Variants in MAP3K1 observed in about 807,000 individuals in gnomAD.
The protein encoded by MAP3K1 is mitogen-activated protein kinase kinase kinase 1, also known as MAP/ERK kinase kinase 1.
Under a neutral mutation model 144.2 loss-of-function variants are expected in MAP3K1, and 36 were observed. The ratio of observed to expected loss-of-function variants is 0.25; its 90% CI spans 0.19 to 0.33. The LOEUF (loss-of-function observed/expected upper bound fraction) is 0.33, where lower values mean the gene tolerates loss of function less well. Ranked by LOEUF, MAP3K1 falls within the 10% of genes least tolerant of loss-of-function variation. MAP3K1 has a pLI of 1.00. For missense variants in MAP3K1, 1,650 were observed against 1,881.9 expected (o/e 0.88, Z 2.28); for synonymous variants, 718 against 688.7 (o/e 1.04, Z -0.67).
chr5:56,876,319 A>T (rs533191726), intron 10 of MAP3K1, among the ~76,000 whole-genome samples: 15 of 152,036 alleles, frequency 9.9e-5, no homozygotes, highest in Admixed American at 9.2e-4. Context: ...GCATTGCCAA[A>T]TGTCTCCAGT....
At chr5:56,827,732 T>C (rs1464647357) in intron 1 of MAP3K1, among the ~76,000 whole-genome samples, 2 of 151,966 alleles carry the variant, frequency 1.3e-5, no homozygotes, top group South Asian at 4.2e-4. Flanking sequence ...GGCTTGGTGG[T>C]GTGTGCCTGT....
Position 56,822,082 on chromosome 5 carries a change from G to A in MAP3K1, c.482+6027G>A, listed in dbSNP as rs777383739. Among the ~76,000 whole-genome samples the A allele has an allele frequency of 6.4e-4, 98 of 152,168 alleles. 1 individual carries two copies. Among genetic ancestry groups the A allele is most frequent in the Admixed American group, 1.6e-3 (25 of 15,294 alleles). ...GTTGCCCAGGCTGGAGTGCAGTGGCGCAATCTTTGCTCACTGCAGCCTCTG... is the reference window on the plus strand; with the variant it reads ...GTTGCCCAGGCTGGAGTGCAGTGGCACAATCTTTGCTCACTGCAGCCTCTG... On this transcript the variant is annotated intron_variant, in intron 1 of 19. Transcript: ENST00000399503.
At chr5:56,828,844 A>G (rs181559502) in intron 1 of MAP3K1, among the ~76,000 whole-genome samples, 139 of 151,840 alleles carry the variant, frequency 9.2e-4, no homozygotes, top group Non-Finnish European at 9.1e-4. Flanking sequence ...TCTTGTGTTT[A>G]TTTATAAAGA....
chr5:56,823,597 TC>T (rs1050247970), intron 1 of MAP3K1, among the ~76,000 whole-genome samples: 4 of 152,230 alleles, frequency 2.6e-5, no homozygotes, highest in African/African-American at 9.6e-5. Context: ...CATGGCATGT[TC>T]AAATTAGTGG....
At position 56,892,589 on chromosome 5, in the gene MAP3K1, A is replaced by G. The variant is rs575760714; in HGVS notation, c.4390-942A>G. Reference sequence around the variant, plus strand: ...AATAACAGTTAACCTAGGATTTCATAGCTAGCTAAATGATCATCAAAAAAT... The same window carrying G: ...AATAACAGTTAACCTAGGATTTCATGGCTAGCTAAATGATCATCAAAAAAT... On this transcript the variant is annotated intron_variant, in intron 19 of 19. Transcript: ENST00000399503. Among the ~76,000 whole-genome samples, 4 of 152,356 alleles carry G rather than the reference A, an allele frequency of 2.6e-5. No individual in the cohort carries two copies. In the East Asian group the frequency reaches 7.7e-4, roughly 29 times the overall value.
intron 10 of MAP3K1, among the ~76,000 whole-genome samples, chr5:56,876,088 T>C (rs1748018667): frequency 6.6e-6 from 1 of 151,662 alleles, no homozygotes; most frequent in Admixed American, 6.6e-5. Flanking sequence ...GGAGACTAAC[T>C]GGACTTTCTC....
chr5:56,874,581 A>G (rs901323048), intron 9 of MAP3K1, among the ~76,000 whole-genome samples: 68 of 152,168 alleles, frequency 4.5e-4, no homozygotes, highest in African/African-American at 1.4e-3. Flanking sequence ...GAAATACTCT[A>G]TATCTCTTGA....
Position 56,895,077 on chromosome 5 carries a change from G to A in MAP3K1, c.*1397G>A, listed in dbSNP as rs1748664754. 2.6e-5 allele frequency: 6 copies of A among 231,428 alleles called. No homozygotes were observed. In the Admixed American group the frequency reaches 3.4e-4, roughly 13 times the overall value. 14.3% of individuals were successfully genotyped at this position (231,428 alleles called of 1,614,324 possible). A position where few individuals can be genotyped will look rare whatever the true frequency, so the allele number is the denominator to read the frequency against. ...ACTCTTCAGAAGCCAGTGTGAAATA[G>A]AATTGGTTATTCTCAAAGACTCAGG... is the stretch of plus-strand genomic sequence containing the variant. On this transcript the variant is annotated 3_prime_UTR_variant, in exon 20 of 20. Coordinates refer to ENST00000399503, the MANE Select transcript of MAP3K1 (RefSeq NM_005921.2).
At position 56,859,764 on chromosome 5, in the gene MAP3K1, TAGC is replaced by T; in HGVS notation, c.687_689del (p.Ala230del). The T allele has an allele frequency of 6.2e-7, 1 of 1,614,054 alleles. No individual in the cohort carries two copies. The highest frequency in any genetic ancestry group is 8.5e-7 in the Non-Finnish European group (1 of 1,179,996). On this transcript the variant is annotated inframe_deletion, in exon 3 of 20. Transcript: ENST00000399503. ...GGAGATGGATCTGAAATGAATCACT[TAGC>T]AGCTGAGTCTCCAGGAGAGGTCCAG...
At chr5:56,816,401 C>T (rs1745970005) in intron 1 of MAP3K1, among the ~76,000 whole-genome samples, 1 of 151,894 alleles carries the variant, frequency 6.6e-6, no homozygotes. Flanking sequence ...AGCCCGGGGG[C>T]GGGGCACGGC....
At chr5:56,875,744 A>T (rs1460960526) in intron 10 of MAP3K1, among the ~76,000 whole-genome samples, 1 of 152,144 alleles carries the variant, frequency 6.6e-6, no homozygotes. Context: ...TGAGCTAGAC[A>T]AGCTTGCTAA....
intron 1 of MAP3K1, among the ~76,000 whole-genome samples, chr5:56,834,708 C>CAAA (rs1341998744): frequency 6.6e-6 from 1 of 151,826 alleles, no homozygotes; most frequent in Non-Finnish European, 1.5e-5. Flanking sequence ...GACTCCATCT[C>CAAA]AAAACAAAGA....
chr5:56,858,020 G>C (rs62358079), intron 2 of MAP3K1, among the ~76,000 whole-genome samples: 8,786 of 152,204 alleles, frequency 0.058, 354 homozygotes, highest in South Asian at 0.15. Flanking sequence ...GGTATGGTGG[G>C]AACCCCTCAC....
chr5:56,865,796 A>G lies in MAP3K1; in HGVS notation c.1153-33A>G, dbSNP rs1747654791. The G allele has an allele frequency of 3.1e-6, 5 of 1,608,608 alleles. No homozygotes were observed. In the East Asian group the frequency reaches 8.9e-5, roughly 29 times the overall value. ...TCTTCATATGTATAATTATGGCACA[A>G]ATATCATTGTTACTGTCTTTTTCCA... On this transcript the variant is annotated intron_variant, in intron 5 of 19. Coordinates refer to ENST00000399503, the MANE Select transcript of MAP3K1 (RefSeq NM_005921.2).
intron 1 of MAP3K1, among the ~76,000 whole-genome samples, chr5:56,821,919 A>C (rs529388962): frequency 6.6e-6 from 1 of 152,372 alleles, no homozygotes; most frequent in African/African-American, 2.4e-5. Flanking sequence ...AGTATATCTG[A>C]AGATTAACTT....
intron 10 of MAP3K1, among the ~76,000 whole-genome samples, chr5:56,875,848 G>T (rs1421945547): frequency 6.6e-6 from 1 of 152,050 alleles, no homozygotes; most frequent in Non-Finnish European, 1.5e-5. Flanking sequence ...TGCTTTTTGG[G>T]ATGGCAGAGT....
chr5:56,853,662 T>A (rs1227209207), intron 1 of MAP3K1, among the ~76,000 whole-genome samples: 1 of 152,126 alleles, frequency 6.6e-6, no homozygotes, highest in Non-Finnish European at 1.5e-5. Context: ...AGTTCTTAAT[T>A]GAAATTGGGA....
Position 56,895,266 on chromosome 5 carries a change from T to C in MAP3K1, c.*1586T>C, listed in dbSNP as rs1748669613. Reference sequence around the variant, plus strand: ...TTCTTAGTGAAATTTTACATTCCTTTGTTTTGGAAGATTGGCGATATTTGA... The same window carrying C: ...TTCTTAGTGAAATTTTACATTCCTTCGTTTTGGAAGATTGGCGATATTTGA... On this transcript the variant is annotated 3_prime_UTR_variant, in exon 20 of 20. Coordinates refer to ENST00000399503, the MANE Select transcript of MAP3K1 (RefSeq NM_005921.2). The C allele has an allele frequency of 4.3e-6, 1 of 232,216 alleles. No individual in the cohort carries two copies. Among genetic ancestry groups the C allele is most frequent in the South Asian group, 1.8e-4 (1 of 5,526 alleles). 14.4% of individuals were successfully genotyped at this position (232,216 alleles called of 1,614,324 possible). A position where few individuals can be genotyped will look rare whatever the true frequency, so the allele number is the denominator to read the frequency against.
chr5:56,876,874 C>T (rs192676142), intron 10 of MAP3K1, among the ~76,000 whole-genome samples: 173 of 152,224 alleles, frequency 1.1e-3, no homozygotes, highest in African/African-American at 3.9e-3. Flanking sequence ...CATTTAGAAA[C>T]CTTTAGAGGT....
Sources: allele counts gnomAD v4.1 joint callset (sites outside exome capture counted in the v4.1 genomes callset), GRCh38; gene constraint gnomAD v4.1.1; transcripts MANE v1.5; gene names NCBI Gene and HGNC (gene_info 2026-07-23, HGNC 2026-07-21).